ULK4: variants seen among roughly 807,000 people sequenced by gnomAD.
The protein encoded by ULK4 is unc-51 like kinase 4.
Under a neutral mutation model 160.6 loss-of-function variants are expected in ULK4, and 133 were observed. That is an observed-to-expected ratio of 0.83 (90% CI 0.72 to 0.96). The LOEUF (loss-of-function observed/expected upper bound fraction) is 0.96. Ranked by LOEUF, ULK4 falls within the 40% of genes least tolerant of loss-of-function variation. The probability of loss-of-function intolerance (pLI) is 0.00; values close to 1 mark genes in which losing one functional copy is unlikely to be tolerated. For missense variants in ULK4, 1,580 were observed against 1,499.5 expected, an observed-to-expected ratio of 1.05 and a Z score of -0.89; for synonymous variants, 534 against 539.8, an observed-to-expected ratio of 0.99 and a Z score of 0.15.
chr3:41,356,903 C>T (rs1242333011), intron 35 of ULK4, among the ~76,000 whole-genome samples: 1 of 152,110 alleles, frequency 6.6e-6, no homozygotes, highest in East Asian at 1.9e-4. Context: ...GTTGAAAACA[C>T]CTGCTCCCCA....
At chr3:41,885,936 C>T (rs1468313060) in intron 16 of ULK4, among the ~76,000 whole-genome samples, 2 of 152,042 alleles carry the variant, frequency 1.3e-5, no homozygotes, top group Non-Finnish European at 2.9e-5. Context: ...CCTCAAACTC[C>T]CAAAGTGCTA....
At chr3:41,285,147 A>C (rs746045311) in intron 35 of ULK4, among the ~76,000 whole-genome samples, 30 of 152,232 alleles carry the variant, frequency 2.0e-4, no homozygotes, top group Non-Finnish European at 3.7e-4. Context: ...GTGGGAATGT[A>C]AACTAGCACA....
At chr3:41,542,052 T>C (rs1421969379) in intron 32 of ULK4, among the ~76,000 whole-genome samples, 3 of 152,190 alleles carry the variant, frequency 2.0e-5, no homozygotes, top group Non-Finnish European at 4.4e-5. Flanking sequence ...TCCAATATTA[T>C]GTTGAATAGG....
intron 17 of ULK4, among the ~76,000 whole-genome samples, chr3:41,860,058 T>C (rs1575842465): frequency 6.6e-6 from 1 of 152,114 alleles, no homozygotes; most frequent in African/African-American, 2.4e-5. Flanking sequence ...AAAATTCTTA[T>C]TAATTTCTAG....
In ULK4 at chr3:41,956,411, A is replaced by G. The variant is rs59713069; in HGVS notation, c.-48-1604T>C. Among the ~76,000 whole-genome samples the G allele has an allele frequency of 7.8e-3, 1,183 of 152,298 alleles. 46 individuals carry two copies. In the East Asian group the frequency reaches 0.12, roughly 16 times the overall value. Reference sequence around the variant, plus strand: ...ACTGTGGAGTGTACTTTCGTTTTCAATAAATCCCTGCTTTCATGCTTTTGT... The same window carrying G: ...ACTGTGGAGTGTACTTTCGTTTTCAGTAAATCCCTGCTTTCATGCTTTTGT... On this transcript the variant is annotated intron_variant, in intron 1 of 36. Transcript: ENST00000301831.
chr3:41,904,745 A>G (rs1698494081), intron 12 of ULK4, among the ~76,000 whole-genome samples: 1 of 152,232 alleles, frequency 6.6e-6, no homozygotes, highest in African/African-American at 2.4e-5. Flanking sequence ...AGTAAAAACT[A>G]AAAGCAATTA....
intron 8 of ULK4, chr3:41,913,136 T>C (rs1431949663): frequency 2.9e-6 from 1 of 340,372 alleles, no homozygotes; most frequent in African/African-American, 2.1e-5. Flanking sequence ...TAACTAAGCA[T>C]TAGAAGTTTC....
chr3:41,844,747 A>C (rs1185651024), intron 17 of ULK4, among the ~76,000 whole-genome samples: 1 of 151,598 alleles, frequency 6.6e-6, no homozygotes, highest in African/African-American at 2.4e-5. Flanking sequence ...GCTGGTGAGA[A>C]TGTAAAACAC....
At chr3:41,516,135 T>C (rs903089637) in intron 32 of ULK4, among the ~76,000 whole-genome samples, 2 of 152,240 alleles carry the variant, frequency 1.3e-5, no homozygotes, top group Non-Finnish European at 2.9e-5. Flanking sequence ...AAACATTTTC[T>C]AAGTGAAACT....
chr3:41,287,867 C>T (rs893453566), intron 35 of ULK4, among the ~76,000 whole-genome samples: 2 of 152,202 alleles, frequency 1.3e-5, no homozygotes, highest in Non-Finnish European at 2.9e-5. Flanking sequence ...CCCAATTAGT[C>T]TTACAGTTCA....
At chr3:41,737,236 C>G (rs1157038117) in intron 22 of ULK4, among the ~76,000 whole-genome samples, 1 of 151,768 alleles carries the variant, frequency 6.6e-6, no homozygotes, top group African/African-American at 2.4e-5. Flanking sequence ...AAACAGAGAG[C>G]CAAATCATGA....
rs562207570 is a variant in ULK4, at chr3:41,376,091, T to G, written c.3678+21988A>C. On this transcript the variant is annotated intron_variant, in intron 35 of 36. Coordinates refer to ENST00000301831, the MANE Select transcript of ULK4 (RefSeq NM_017886.4). ...ATCAAAACCACAATGAGATACCATC[T>G]CAAGCCAGTTAGAATGGCAATCATT... Among the ~76,000 whole-genome samples the G allele has an allele frequency of 1.7e-4, 25 of 150,516 alleles. 2 individuals carry two copies. The highest frequency in any genetic ancestry group is 6.2e-4 in the African/African-American group (25 of 40,472).
chr3:41,916,110 A>G, intron 7 of ULK4, 58 bp from the exon 8 acceptor site: 9 of 1,095,718 alleles, frequency 8.2e-6, no homozygotes, highest in Non-Finnish European at 1.1e-5. Flanking sequence ...TATCAATTTT[A>G]TTTTTATCTC....
At chr3:41,948,142 G>A (rs918494063) in intron 2 of ULK4, among the ~76,000 whole-genome samples, 1 of 151,918 alleles carries the variant, frequency 6.6e-6, no homozygotes, top group African/African-American at 2.4e-5. Context: ...TGACTGTGAC[G>A]TAAGAGACAT....
chr3:41,447,174 C>A, intron 34 of ULK4, among the ~76,000 whole-genome samples: 1 of 151,150 alleles, frequency 6.6e-6, no homozygotes, highest in Middle Eastern at 3.2e-3. Context: ...CCACGTTTCA[C>A]AGTTCCACAT....
Position 41,640,740 on chromosome 3 carries a change from A to T in ULK4, c.3071+22867T>A, listed in dbSNP as rs74889464. ...ATATGTAGCAAGGAACCTGGAAGAG[A>T]CATACTTTAAGCAGAAATTCAAAAA... is the stretch of plus-strand genomic sequence containing the variant. On this transcript the variant is annotated intron_variant, in intron 30 of 36. Transcript: ENST00000301831. Among the ~76,000 whole-genome samples, 1,352 of 152,342 alleles carry T rather than the reference A, an allele frequency of 8.9e-3. 11 individuals are homozygous for T. The highest frequency in any genetic ancestry group is 0.027 in the Middle Eastern group (8 of 294).
At chr3:41,324,289 C>A (rs1395963302) in intron 35 of ULK4, among the ~76,000 whole-genome samples, 2 of 152,184 alleles carry the variant, frequency 1.3e-5, no homozygotes, top group Non-Finnish European at 2.9e-5. Flanking sequence ...CAGTTGTCTG[C>A]AAATAAGAAA....
chr3:41,291,865 C>CT (rs1211650131), intron 35 of ULK4, among the ~76,000 whole-genome samples: 1 of 147,652 alleles, frequency 6.8e-6, no homozygotes, highest in Non-Finnish European at 1.5e-5. Context: ...GAGTCTTGCT[C>CT]TGTCACCCAG....
chr3:41,296,355 G>A (rs542887746), intron 35 of ULK4, among the ~76,000 whole-genome samples: 3 of 152,330 alleles, frequency 2.0e-5, no homozygotes, highest in South Asian at 4.1e-4. Flanking sequence ...CTGAAGAGAA[G>A]GGTTGGAAGT....
Sources: gnomAD v4.1 joint callset for allele counts (sites outside exome capture counted in the v4.1 genomes callset) on GRCh38, gnomAD v4.1.1 for gene constraint, MANE v1.5 for transcripts, NCBI Gene and HGNC (gene_info 2026-07-23, HGNC 2026-07-21) for gene names.